The following IQSEC1 variants were observed in gnomAD, a reference collection of about 807,000 sequenced individuals.
The protein encoded by IQSEC1 is IQ motif and SEC7 domain-containing protein 1.
Under a neutral mutation model 91.0 loss-of-function variants are expected in IQSEC1, and 31 were observed. That is an observed-to-expected ratio of 0.34 (90% CI 0.26 to 0.46). The LOEUF (loss-of-function observed/expected upper bound fraction) is 0.46, where lower values mean the gene tolerates loss of function less well. IQSEC1 is among the 20% of genes least tolerant of loss of function. IQSEC1 has a pLI of 1.00. For synonymous variants in IQSEC1, 699 were observed against 662.6 expected (o/e 1.05, Z -0.84); for missense variants, 1,388 against 1,575.6 (o/e 0.88, Z 2.02).
chr3:13,180,566 G>C (rs993525091), intron 1 of IQSEC1, among the ~76,000 whole-genome samples: 1 of 151,968 alleles, frequency 6.6e-6, no homozygotes. Context: ...GTGGCAACCC[G>C]CTGGGGTCCC....
chr3:13,197,684 G>A (rs1694160060), intron 1 of IQSEC1, among the ~76,000 whole-genome samples: 1 of 152,198 alleles, frequency 6.6e-6, no homozygotes, highest in Non-Finnish European at 1.5e-5. Flanking sequence ...CAGCAGAGTG[G>A]TTCAGGGAGG....
chr3:13,250,415 C>T (rs1224681278), intron 1 of IQSEC1, among the ~76,000 whole-genome samples: 2 of 143,260 alleles, frequency 1.4e-5, no homozygotes, highest in Non-Finnish European at 3.0e-5. Context: ...ATCAGCCCCA[C>T]TTTCCTTTTT....
At chr3:13,204,681 C>T (rs1265439949) in intron 1 of IQSEC1, among the ~76,000 whole-genome samples, 1 of 152,224 alleles carries the variant, frequency 6.6e-6, no homozygotes, top group African/African-American at 2.4e-5. Flanking sequence ...AGGGGCGGCT[C>T]GGGTCCCTGT....
rs1706035853 is a variant in IQSEC1, at chr3:13,100,346, A to G, written c.303-52824T>C. On this transcript the variant is annotated intron_variant, in intron 2 of 15. Transcript: ENST00000648114. ...ACACGCTGTTCCTTCTGCTCAGAAC[A>G]CCCTTCCCTCTCTCCTTATCTTCCT... Among the ~76,000 whole-genome samples, 3 of 147,964 alleles carry G rather than the reference A, an allele frequency of 2.0e-5. 1 individual carries two copies. Among genetic ancestry groups the G allele is most frequent in the African/African-American group, 7.7e-5 (3 of 39,022 alleles).
intron 1 of IQSEC1, chr3:12,986,990 TG>T: frequency 2.3e-6 from 1 of 440,630 alleles, no homozygotes; most frequent in Non-Finnish European, 4.6e-6. Flanking sequence ...GTGCTGTGGG[TG>T]GGGGCCTCCT....
At chr3:12,904,741 C>G (rs1694783564) in intron 12 of IQSEC1, among the ~76,000 whole-genome samples, 1 of 152,122 alleles carries the variant, frequency 6.6e-6, no homozygotes, top group African/African-American at 2.4e-5. Flanking sequence ...CTCTGGCTGA[C>G]TAAAAACCAG....
At position 13,193,489 on chromosome 3, in the gene IQSEC1, G is replaced by A. The variant is rs1048848765; in HGVS notation, c.273-29356C>T. Among the ~76,000 whole-genome samples, 1 of 152,142 alleles carries A rather than the reference G, an allele frequency of 6.6e-6. No individual in the cohort carries two copies. Among genetic ancestry groups the A allele is most frequent in the Non-Finnish European group, 1.5e-5 (1 of 68,026 alleles). On this transcript the variant is annotated intron_variant, in intron 1 of 15. Transcript: ENST00000648114. This position sits in a 1 kb window ranked among gnomAD's most constrained non-coding sequence, Gnocchi z 4.2. ...TGGGGGATGAAGGATGTGGACGGTC[G>A]GGTGGTGACTGGGAACAAGGCACAG...
At chr3:12,912,331 T>TG (rs1262955147) in intron 9 of IQSEC1, among the ~76,000 whole-genome samples, 1 of 152,164 alleles carries the variant, frequency 6.6e-6, no homozygotes, top group Non-Finnish European at 1.5e-5. Context: ...CCAGGCACCA[T>TG]GTAAGGTCTT....
At chr3:13,024,288 T>C (rs149043882) in intron 1 of IQSEC1, among the ~76,000 whole-genome samples, 38 of 152,250 alleles carry the variant, frequency 2.5e-4, no homozygotes, top group African/African-American at 8.7e-4. Flanking sequence ...TCTATCATCT[T>C]CCTTCCTATC....
chr3:13,224,508 T>C (rs1694718675), intron 1 of IQSEC1, among the ~76,000 whole-genome samples: 1 of 152,188 alleles, frequency 6.6e-6, no homozygotes, highest in East Asian at 1.9e-4. Context: ...TGTGACATCC[T>C]CTCAGCCAAT....
intron 3 of IQSEC1, among the ~76,000 whole-genome samples, chr3:12,927,547 C>CT (rs1021973169): frequency 2.0e-5 from 3 of 152,172 alleles, no homozygotes; most frequent in Non-Finnish European, 1.5e-5. Context: ...TGCCGCTGCT[C>CT]TTTTTTTGCC....
Position 13,073,171 on chromosome 3 carries a change from GAGGCT to G in IQSEC1, c.-162_-158del. 3 of 754,146 alleles carry G rather than the reference GAGGCT, an allele frequency of 4.0e-6. No homozygotes were observed. Among genetic ancestry groups the G allele is most frequent in the East Asian group, 3.1e-5 (1 of 31,992 alleles). 46.7% of individuals were successfully genotyped at this position (754,146 alleles called of 1,614,324 possible). ...CCCGGGGGTGGCGGGCTCCTCCAGGGAGGCTGGGGCGGGAGCGGGGGGCGGCGCCA... is the reference window on the plus strand; with the variant it reads ...CCCGGGGGTGGCGGGCTCCTCCAGGGGGGGCGGGAGCGGGGGGCGGCGCCA... On this transcript the variant is annotated 5_prime_UTR_variant, in exon 1 of 14. Transcript: ENST00000613206.
chr3:13,196,062 T>C (rs1315204299), intron 1 of IQSEC1, among the ~76,000 whole-genome samples: 1 of 152,226 alleles, frequency 6.6e-6, no homozygotes, highest in Non-Finnish European at 1.5e-5. Context: ...AAAGAGGCAA[T>C]ACAGCTCCCA....
intron 1 of IQSEC1, among the ~76,000 whole-genome samples, chr3:12,951,847 C>T (rs1424598235): frequency 6.6e-6 from 1 of 152,140 alleles, no homozygotes; most frequent in Non-Finnish European, 1.5e-5. Flanking sequence ...AGAAAGGGAA[C>T]GAGTGAGCCC....
chr3:13,139,273 T>C (rs1706760977), intron 2 of IQSEC1, among the ~76,000 whole-genome samples: 1 of 152,234 alleles, frequency 6.6e-6, no homozygotes, highest in African/African-American at 2.4e-5. Context: ...TGGCCCAGCC[T>C]ATTTTGACAC....
chr3:12,979,656 T>G lies in IQSEC1; in HGVS notation c.24-37791A>C, dbSNP rs550817011. 7.3e-4 allele frequency among the ~76,000 whole-genome samples: 111 copies of G among 152,280 alleles called. No individual in the cohort carries two copies. The highest frequency in any genetic ancestry group is 1.3e-3 in the Non-Finnish European group (88 of 68,022). ...ATTACTCCCTATATAATCAATACAT[T>G]GCATTAAGCCTTTGTGGGTGATAAA... On this transcript the variant is annotated intron_variant, in intron 1 of 13. Coordinates refer to ENST00000613206, the MANE Select transcript of IQSEC1 (RefSeq NM_001134382.3). The surrounding 1 kb of genome is among the most constrained non-coding windows in gnomAD (Gnocchi z 4.3).
At chr3:13,135,812 G>C (rs919971748) in intron 2 of IQSEC1, among the ~76,000 whole-genome samples, 4 of 152,202 alleles carry the variant, frequency 2.6e-5, no homozygotes, top group Non-Finnish European at 5.9e-5. Context: ...AGCCACTGGA[G>C]GGGGATGGGA....
intron 1 of IQSEC1, among the ~76,000 whole-genome samples, chr3:13,276,516 A>G (rs1481265749): frequency 6.6e-6 from 1 of 152,016 alleles, no homozygotes; most frequent in African/African-American, 2.4e-5. Flanking sequence ...ATGGGGAGAG[A>G]CAGCAACTCA....
chr3:12,985,113 C>T (rs866040515), intron 1 of IQSEC1, among the ~76,000 whole-genome samples: 7 of 152,148 alleles, frequency 4.6e-5, no homozygotes, highest in African/African-American at 1.4e-4. Flanking sequence ...CGTGAGCCAC[C>T]GCGCCCAGCC....
Sources: gnomAD v4.1 joint callset for allele counts (sites outside exome capture counted in the v4.1 genomes callset) on GRCh38, gnomAD v4.1.1 for gene constraint, Gnocchi (gnomAD v3.1) non-coding constraint, MANE v1.5 for transcripts, NCBI Gene and HGNC (gene_info 2026-07-23, HGNC 2026-07-21) for gene names.